Variants in DNAAF10 observed in about 807,000 individuals in gnomAD.
DNAAF10 encodes the protein dynein axonemal assembly factor 10.
In DNAAF10, 28 loss-of-function variants were observed where a neutral mutation model predicts 43.7. The ratio of observed to expected loss-of-function variants is 0.64; its 90% confidence interval spans 0.48 to 0.88. The LOEUF (loss-of-function observed/expected upper bound fraction) is 0.88. Ranked by LOEUF, DNAAF10 falls within the 40% of genes least tolerant of loss-of-function variation. DNAAF10 has a pLI of 0.00. For missense variants in DNAAF10, 403 were observed against 439.1 expected, an observed-to-expected ratio of 0.92 and a Z score of 0.73; for synonymous variants, 156 against 157.3, an observed-to-expected ratio of 0.99 and a Z score of 0.06.
At position 68,134,705 on chromosome 2, in the gene DNAAF10, T is replaced by A; in HGVS notation, c.863A>T (p.Lys288Met). 6.2e-7 allele frequency: 1 copy of A among 1,610,296 alleles called. No individual in the cohort carries two copies. The highest frequency in any genetic ancestry group is 2.2e-5 in the East Asian group (1 of 44,726). Residue 288 changes from lysine to methionine, a missense_variant, in exon 7 of 8, where the codon AAG becomes ATG. Physicochemically the swap from Lys to Met is moderately conservative, Grantham distance 95. Coordinates refer to ENST00000295121, the MANE Select transcript of DNAAF10 (RefSeq NM_138458.4). ...AGGAGGLHLW[K>M]YEYPIQRSKK... Reference sequence around the variant, plus strand: ...CAGTGTGCACTGGCAGACTTACTACTTCCAGAGGTGAAGGCCGCCGGCGCC... The same window carrying A: ...CAGTGTGCACTGGCAGACTTACTACATCCAGAGGTGAAGGCCGCCGGCGCC...
intron 2 of DNAAF10, among the ~76,000 whole-genome samples, chr2:68,145,219 G>GAAA (rs1049611275): frequency 5.0e-5 from 6 of 120,524 alleles, no homozygotes; most frequent in Admixed American, 8.7e-5. Context: ...CCCTGTTTCA[G>GAAA]AAAAAAAAAA....
intron 1 of DNAAF10, among the ~76,000 whole-genome samples, chr2:68,151,742 G>C (rs1014384432): frequency 6.6e-6 from 1 of 152,112 alleles, no homozygotes; most frequent in African/African-American, 2.4e-5. Flanking sequence ...CTGACAAACT[G>C]TTCAGTTTCT....
intron 1 of DNAAF10, among the ~76,000 whole-genome samples, chr2:68,156,384 A>C (rs1257204150): frequency 6.6e-6 from 1 of 152,190 alleles, no homozygotes; most frequent in Non-Finnish European, 1.5e-5. Flanking sequence ...AGTCTATTAC[A>C]ACCCTGATCT....
intron 1 of DNAAF10, among the ~76,000 whole-genome samples, chr2:68,156,259 A>G (rs1673607968): frequency 6.6e-6 from 1 of 152,158 alleles, no homozygotes; most frequent in South Asian, 2.1e-4. Context: ...TTTCTATTCT[A>G]GGCTTAACAG....
chr2:68,138,048 G>A lies in DNAAF10; in HGVS notation c.634-615C>T, dbSNP rs138335711. ...AAATTAGCCGGGCATGGTGACAGGC[G>A]CCTGTAGTCCCAGTTACTCGGGAGG... is the stretch of plus-strand genomic sequence containing the variant. On this transcript the variant is annotated intron_variant, in intron 5 of 7. Coordinates refer to ENST00000295121, the MANE Select transcript of DNAAF10 (RefSeq NM_138458.4). 1.7e-3 allele frequency among the ~76,000 whole-genome samples: 251 copies of A among 151,044 alleles called. 2 individuals are homozygous for A. The highest frequency in any genetic ancestry group is 5.8e-3 in the African/African-American group (237 of 41,060).
At chr2:68,157,114 C>G in intron 1 of DNAAF10, 147 bp downstream of exon 1, 5 of 1,098,052 alleles carry the variant, frequency 4.6e-6, no homozygotes, top group Non-Finnish European at 6.4e-6. Context: ...GGAAACATTC[C>G]TCAGTCGGCG....
intron 7 of DNAAF10, among the ~76,000 whole-genome samples, chr2:68,133,885 G>T (rs976454244): frequency 2.6e-5 from 4 of 152,176 alleles, no homozygotes; most frequent in Non-Finnish European, 5.9e-5. Context: ...TAATAGAGAA[G>T]AATTTTATAA....
chr2:68,146,256 C>T (rs1673314703), intron 2 of DNAAF10, among the ~76,000 whole-genome samples: 1 of 152,114 alleles, frequency 6.6e-6, no homozygotes, highest in Non-Finnish European at 1.5e-5. Flanking sequence ...AGCGAGACTC[C>T]ATCTCAAAGA....
At chr2:68,150,587 G>A (rs1178510252) in intron 1 of DNAAF10, among the ~76,000 whole-genome samples, 1 of 151,980 alleles carries the variant, frequency 6.6e-6, no homozygotes, top group Non-Finnish European at 1.5e-5. Context: ...ACAAAAATTA[G>A]CCAGGCGTGG....
At chr2:68,139,785 C>T (rs983808124) in intron 4 of DNAAF10, among the ~76,000 whole-genome samples, 1 of 148,228 alleles carries the variant, frequency 6.7e-6, no homozygotes, top group Non-Finnish European at 1.5e-5. Flanking sequence ...GCCTGGGCAA[C>T]AAAGCGAGAC....
intron 1 of DNAAF10, among the ~76,000 whole-genome samples, chr2:68,150,567 T>C (rs1213479024): frequency 1.3e-5 from 2 of 151,752 alleles, no homozygotes; most frequent in African/African-American, 4.8e-5. Context: ...ACCCCCTCTC[T>C]ACTAAAAATA....
Position 68,131,226 on chromosome 2 carries a change from A to G in DNAAF10, c.*12T>C, listed in dbSNP as rs778526145. The stretch of plus-strand genomic sequence containing the variant: ...AGCCACCGTGCCCAGCCTCAAGTCC[A>G]AAGTCTTGAAGTCAAATTTTATTGA... On this transcript the variant is annotated 3_prime_UTR_variant, in exon 8 of 8. Coordinates refer to ENST00000295121, the MANE Select transcript of DNAAF10 (RefSeq NM_138458.4). The G allele has an allele frequency of 5.0e-6, 8 of 1,613,516 alleles. No individual in the cohort carries two copies. In the African/African-American group the frequency reaches 5.3e-5, roughly 11 times the overall value.
rs191982030 is a variant in DNAAF10 at position 68,140,527 on chromosome 2, C to T, written c.517+1167G>A. ...TATCTTCTGAATCATCCACTCTGCT[C>T]CCTTCTCAGTGCTTGTAACTTAGGT... On this transcript the variant is annotated intron_variant, in intron 4 of 7. Transcript: ENST00000295121. 3.9e-5 allele frequency among the ~76,000 whole-genome samples: 6 copies of T among 152,286 alleles called. No individual in the cohort carries two copies. In the East Asian group the frequency reaches 1.2e-3, roughly 29 times the overall value.
At chr2:68,134,496 A>C in intron 7 of DNAAF10, 1 of 1,372,990 alleles carries the variant, frequency 7.3e-7, no homozygotes, top group Non-Finnish European at 9.4e-7. Context: ...AAAATGTATC[A>C]AAAGAAGATT....
chr2:68,133,425 C>A (rs534676454), intron 7 of DNAAF10, among the ~76,000 whole-genome samples: 1 of 151,866 alleles, frequency 6.6e-6, no homozygotes, highest in Non-Finnish European at 1.5e-5. Flanking sequence ...TAGTAGAGAC[C>A]CGGTTTTGCC....
intron 6 of DNAAF10, among the ~76,000 whole-genome samples, chr2:68,135,195 T>C (rs747088788): frequency 5.9e-5 from 9 of 152,120 alleles, no homozygotes; most frequent in Non-Finnish European, 1.0e-4. Context: ...TGGACTGAAT[T>C]AAAAAAATAC....
intron 4 of DNAAF10, among the ~76,000 whole-genome samples, chr2:68,139,933 C>T (rs1283095436): frequency 6.6e-6 from 1 of 152,136 alleles, no homozygotes; most frequent in African/African-American, 2.4e-5. Context: ...TTGGCAGTAA[C>T]TATATTTGAA....
chr2:68,131,973 A>G (rs924566362), intron 7 of DNAAF10: 1 of 155,496 alleles, frequency 6.4e-6, no homozygotes, highest in Non-Finnish European at 1.4e-5. Context: ...TACCATTTCT[A>G]TGGGAAGGCG....
At position 68,157,493 on chromosome 2, in the gene DNAAF10, A is replaced by T. The variant is rs763124290; in HGVS notation, c.-50T>A. 6 of 1,613,458 alleles carry T rather than the reference A, an allele frequency of 3.7e-6. No individual in the cohort carries two copies. The highest frequency in any genetic ancestry group is 2.2e-5 in the South Asian group (2 of 91,060). The stretch of plus-strand genomic sequence containing the variant: ...AACCGCCACACCCAGAGCCCCCAAA[A>T]ACGGCAACCTGGAAACCAGACTCCA... On this transcript the variant is annotated 5_prime_UTR_variant, in exon 1 of 8. Transcript: ENST00000295121.
Sources: gnomAD v4.1 joint callset for allele counts (sites outside exome capture counted in the v4.1 genomes callset) on GRCh38, gnomAD v4.1.1 for gene constraint, MANE v1.5 for transcripts, NCBI Gene and HGNC (gene_info 2026-07-23, HGNC 2026-07-21) for gene names.